The following ADAMTS9 variants were observed in gnomAD, a reference collection of about 807,000 sequenced individuals.
The protein encoded by ADAMTS9 is A disintegrin and metalloproteinase with thrombospondin motifs 9.
Under a neutral mutation model 257.1 loss-of-function variants are expected in ADAMTS9, and 107 were observed. That is an observed-to-expected ratio of 0.42 (90% CI 0.36 to 0.49). The LOEUF is 0.49. ADAMTS9 is among the 20% of genes least tolerant of loss of function. ADAMTS9 has a pLI of 0.03. For missense variants in ADAMTS9, 2,353 were observed against 2,469.1 expected (o/e 0.95, Z 1.00); for synonymous variants, 982 against 880.9 (o/e 1.11, Z -2.03).
chr3:64,627,006 A>G (rs1559798940), intron 16 of ADAMTS9, among the ~76,000 whole-genome samples: 2 of 152,200 alleles, frequency 1.3e-5, no homozygotes, highest in Admixed American at 1.3e-4. Context: ...GGGTCATTCA[A>G]ATGGTGACAG....
rs1341831922 is a variant in ADAMTS9 at position 64,604,172 on chromosome 3, C to A, written c.3579+55G>T. 5 of 1,600,038 alleles carry A rather than the reference C, an allele frequency of 3.1e-6. No homozygotes were observed. In the African/African-American group the frequency reaches 5.4e-5, roughly 17 times the overall value. On this transcript the variant is annotated intron_variant, in intron 24 of 39. Coordinates refer to ENST00000498707, the MANE Select transcript of ADAMTS9 (RefSeq NM_182920.2). ...AGTAGCCCACTTTCTATAGCCATGT[C>A]TGAGAATGTTAGCCCCCATCCTGCC...
chr3:64,647,752 A>G (rs558224891), intron 11 of ADAMTS9, among the ~76,000 whole-genome samples, 188 bp downstream of exon 11: 1 of 152,386 alleles, frequency 6.6e-6, no homozygotes, highest in African/African-American at 2.4e-5. Flanking sequence ...TGGTATCAGC[A>G]TTATGCTATA....
intron 12 of ADAMTS9, among the ~76,000 whole-genome samples, chr3:64,639,702 T>G (rs1438386439): frequency 6.6e-6 from 1 of 152,216 alleles, no homozygotes; most frequent in African/African-American, 2.4e-5. Flanking sequence ...CTTTGCTCAA[T>G]GTAGCCACCA....
intron 30 of ADAMTS9, among the ~76,000 whole-genome samples, chr3:64,555,006 T>TG (rs1263043678): frequency 6.6e-6 from 1 of 152,148 alleles, no homozygotes; most frequent in South Asian, 2.1e-4. Context: ...TCCCTAACCA[T>TG]GGGGGGAAGA....
intron 28 of ADAMTS9, 52 bp from the exon 29 acceptor site, chr3:64,568,587 T>C (rs774367789): frequency 1.3e-6 from 2 of 1,594,704 alleles, no homozygotes; most frequent in Admixed American, 3.7e-5. Context: ...TTACACGGAG[T>C]TTGAGAAAAA....
At chr3:64,616,793 T>C (rs2084774480) in intron 19 of ADAMTS9, among the ~76,000 whole-genome samples, 1 of 152,192 alleles carries the variant, frequency 6.6e-6, no homozygotes, top group Admixed American at 6.5e-5. Context: ...TGTATTTTGT[T>C]GATTAGATTT....
intron 39 of ADAMTS9, among the ~76,000 whole-genome samples, chr3:64,517,416 G>GTTTTTTGTTTTTTTTTTT (rs2082789402): frequency 1.9e-5 from 1 of 52,638 alleles, no homozygotes; most frequent in African/African-American, 5.3e-5. Context: ...ATTAAAAATG[G>GTTTTTTGTTTTTTTTTTT]TTTTTTTTTT....
At chr3:64,635,114 G>T (rs1008523193) in intron 12 of ADAMTS9, among the ~76,000 whole-genome samples, 1 of 152,126 alleles carries the variant, frequency 6.6e-6, no homozygotes, top group African/African-American at 2.4e-5. Flanking sequence ...ATCCAATTCT[G>T]CAGTTGGCTT....
rs150742074 is a variant in ADAMTS9 at position 64,660,042 on chromosome 3, A to G, written c.680-1251T>C. On this transcript the variant is annotated intron_variant, in intron 3 of 39. Transcript: ENST00000498707. Reference sequence around the variant, plus strand: ...ATACTGAATTTTTGCATCATCAACTATGCAATAAACAGAATAAGCATTAAA... The same window carrying G: ...ATACTGAATTTTTGCATCATCAACTGTGCAATAAACAGAATAAGCATTAAA... Among the ~76,000 whole-genome samples, 766 of 152,336 alleles carry G rather than the reference A, an allele frequency of 5.0e-3. 9 individuals carry two copies. Among genetic ancestry groups the G allele is most frequent in the African/African-American group, 0.018 (728 of 41,574 alleles).
intron 30 of ADAMTS9, among the ~76,000 whole-genome samples, chr3:64,551,429 T>G (rs1252763449): frequency 6.6e-6 from 1 of 152,244 alleles, no homozygotes; most frequent in Middle Eastern, 3.4e-3. Context: ...CAGGATGATC[T>G]CGATCTCCTG....
chr3:64,680,446 A>G (rs960341868), intron 3 of ADAMTS9, among the ~76,000 whole-genome samples: 2 of 152,230 alleles, frequency 1.3e-5, no homozygotes, highest in East Asian at 1.9e-4. Context: ...ATCATCAGGC[A>G]GAAAGTAACC....
chr3:64,545,012 G>GTTC (rs1553701420), intron 32 of ADAMTS9, among the ~76,000 whole-genome samples: 2 of 151,936 alleles, frequency 1.3e-5, no homozygotes, highest in East Asian at 3.9e-4. Flanking sequence ...ATGAAAAAAT[G>GTTC]CTCATCACTG....
chr3:64,608,258 C>CAAAAAAAAAAAAAAAAAAAAAAAAAA (rs57247914), intron 22 of ADAMTS9, among the ~76,000 whole-genome samples: 16 of 53,288 alleles, frequency 3.0e-4, no homozygotes, highest in Non-Finnish European at 2.8e-4. Context: ...AAACTAAAAC[C>CAAAAAAAAAAAAAAAAAAAAAAAAAA]AAAAAAAAAA....
chr3:64,561,817 C>CAGATCGGAACACACAAAATAGCCA, intron 29 of ADAMTS9, 66 bp from the exon 30 acceptor site: 1 of 1,417,286 alleles, frequency 7.1e-7, no homozygotes, highest in Non-Finnish European at 9.7e-7. Flanking sequence ...CGGGGGGTGT[C>CAGATCGGAACACACAAAATAGCCA]GAGGGTCACA....
chr3:64,550,640 G>C (rs1050337329), intron 31 of ADAMTS9: 3 of 472,666 alleles, frequency 6.3e-6, no homozygotes, highest in Non-Finnish European at 1.1e-5. Context: ...ATGCCAATAG[G>C]ACATCAAGGT....
chr3:64,670,863 A>C (rs1701469177), intron 3 of ADAMTS9, among the ~76,000 whole-genome samples: 1 of 152,224 alleles, frequency 6.6e-6, no homozygotes, highest in Non-Finnish European at 1.5e-5. Context: ...AAAAAACAAA[A>C]GCAGAACAAC....
At chr3:64,600,040 C>T (rs1369275117) in intron 26 of ADAMTS9, among the ~76,000 whole-genome samples, 2 of 140,624 alleles carry the variant, frequency 1.4e-5, no homozygotes, top group Non-Finnish European at 3.1e-5. Context: ...TCACTTGAGT[C>T]AGTTTCTGTT....
intron 3 of ADAMTS9, among the ~76,000 whole-genome samples, chr3:64,675,295 T>C (rs1463681946): frequency 1.3e-5 from 2 of 152,152 alleles, no homozygotes; most frequent in Non-Finnish European, 2.9e-5. Context: ...GGCTACCACA[T>C]AATACACACT....
At chr3:64,649,890 T>C (rs949030692) in intron 9 of ADAMTS9, 112 bp from the exon 10 acceptor site, 5 of 1,271,758 alleles carry the variant, frequency 3.9e-6, no homozygotes, top group Non-Finnish European at 5.4e-6. Context: ...GACAGTTACT[T>C]TTTAACATGT....
Sources: allele counts gnomAD v4.1 joint callset (sites outside exome capture counted in the v4.1 genomes callset), GRCh38; gene constraint gnomAD v4.1.1; transcripts MANE v1.5; gene names NCBI Gene and HGNC (gene_info 2026-07-23, HGNC 2026-07-21).